Variants in CACUL1 observed in about 807,000 individuals in gnomAD.
CACUL1 encodes the protein CDK2 associated cullin domain 1, also known as CDK2-associated and cullin domain-containing protein 1.
Under a neutral mutation model 45.2 loss-of-function variants are expected in CACUL1, and 13 were observed. The observed-to-expected ratio is 0.29, with a 90% CI of 0.19 to 0.46. CACUL1 has a LOEUF of 0.46. Among genes scored for constraint, CACUL1 ranks in the 20% least tolerant of loss-of-function variants. CACUL1 has a pLI of 1.00. For synonymous variants in CACUL1, 197 were observed against 174.2 expected, an observed-to-expected ratio of 1.13 and a Z score of -1.03; for missense variants, 421 against 471.4, an observed-to-expected ratio of 0.89 and a Z score of 0.99.
intron 1 of CACUL1, among the ~76,000 whole-genome samples, chr10:118,745,130 T>C (rs1313337746): frequency 6.6e-6 from 1 of 152,206 alleles, no homozygotes; most frequent in African/African-American, 2.4e-5. Flanking sequence ...AGTAGTCTAA[T>C]ACTATTTGAA....
intron 2 of CACUL1, 59 bp from the exon 3 acceptor site, chr10:118,729,456 C>A: frequency 8.1e-7 from 1 of 1,235,050 alleles, no homozygotes; most frequent in Non-Finnish European, 1.2e-6. Flanking sequence ...TTAACTCAGT[C>A]CAAGGTTAAA....
chr10:118,703,991 T>C (rs1845409018), intron 4 of CACUL1, among the ~76,000 whole-genome samples: 2 of 152,208 alleles, frequency 1.3e-5, no homozygotes, highest in Non-Finnish European at 2.9e-5. Context: ...TTTTAGCTTA[T>C]GATATTTTAC....
In CACUL1 at chr10:118,738,892, T is replaced by TAAAAAAA. The variant is rs150393133; in HGVS notation, c.368-8489_368-8483dup. Among the ~76,000 whole-genome samples, 13 of 62,252 alleles carry TAAAAAAA rather than the reference T, an allele frequency of 2.1e-4. 1 individual carries two copies. Among genetic ancestry groups the TAAAAAAA allele is most frequent in the East Asian group, 5.1e-4 (1 of 1,960 alleles). 40.8% of individuals were successfully genotyped at this position (62,252 alleles called of 152,430 possible). On this transcript the variant is annotated intron_variant, in intron 1 of 8. Coordinates refer to ENST00000369151, the MANE Select transcript of CACUL1 (RefSeq NM_153810.5). ...AAAAAAGAAGTAATCCAAGTGCTCTTAAAAAAAAAAAAAAAAAAAAAAAGC... is the reference window on the plus strand; with the variant it reads ...AAAAAAGAAGTAATCCAAGTGCTCTTAAAAAAAAAAAAAAAAAAAAAAAAAAAAAAGC...
At chr10:118,754,233 G>T (rs1003153570) in intron 1 of CACUL1, among the ~76,000 whole-genome samples, 163 bp downstream of exon 1, 1 of 152,166 alleles carries the variant, frequency 6.6e-6, no homozygotes, top group Non-Finnish European at 1.5e-5. Flanking sequence ...TGAGGGGGAG[G>T]GGACGGTGAG....
At chr10:118,701,934 G>C (rs920439801) in intron 4 of CACUL1, among the ~76,000 whole-genome samples, 1 of 152,100 alleles carries the variant, frequency 6.6e-6, no homozygotes, top group South Asian at 2.1e-4. Flanking sequence ...GTGGTGTGAG[G>C]GAAAAATCTC....
intron 1 of CACUL1, among the ~76,000 whole-genome samples, chr10:118,733,095 G>C (rs1845711804): frequency 6.6e-6 from 1 of 152,162 alleles, no homozygotes; most frequent in Non-Finnish European, 1.5e-5. Flanking sequence ...CCAGCTGGGA[G>C]CACTCCTACT....
chr10:118,733,831 G>GT (rs1358840080), intron 1 of CACUL1, among the ~76,000 whole-genome samples: 1 of 143,014 alleles, frequency 7.0e-6, no homozygotes, highest in Non-Finnish European at 1.5e-5. Flanking sequence ...GGGAAACATG[G>GT]TAAGACCTTA....
rs1845142915 is a variant in CACUL1 at position 118,680,546 on chromosome 10, G to T, written c.*5582C>A. The stretch of plus-strand genomic sequence containing the variant: ...AAGTAAGGTTACAAATAACCTAGGG[G>T]ATGACACTAATTTCATAGCAAGAAA... On this transcript the variant is annotated 3_prime_UTR_variant, in exon 9 of 9. Coordinates refer to ENST00000369151, the MANE Select transcript of CACUL1 (RefSeq NM_153810.5). 2 of 152,068 alleles carry T rather than the reference G, an allele frequency of 1.3e-5. No individual in the cohort carries two copies. Among genetic ancestry groups the T allele is most frequent in the East Asian group, 1.9e-4 (1 of 5,186 alleles). 9.4% of individuals were successfully genotyped at this position (152,068 alleles called of 1,614,324 possible).
At chr10:118,733,877 C>T (rs768572491) in intron 1 of CACUL1, among the ~76,000 whole-genome samples, 2 of 151,958 alleles carry the variant, frequency 1.3e-5, no homozygotes, top group African/African-American at 2.4e-5. Flanking sequence ...ATTAGCCGAG[C>T]GTGGTGATGC....
intron 1 of CACUL1, among the ~76,000 whole-genome samples, chr10:118,752,486 C>G (rs146355126): frequency 1.1e-4 from 17 of 152,260 alleles, no homozygotes; most frequent in African/African-American, 4.1e-4. Flanking sequence ...ATCTCTAGGA[C>G]TAACTCTATG....
chr10:118,706,612 A>G (rs941061090), intron 4 of CACUL1, among the ~76,000 whole-genome samples: 4 of 152,180 alleles, frequency 2.6e-5, no homozygotes, highest in Admixed American at 2.0e-4. Context: ...TGGCACTTAA[A>G]CCAAAAGAAA....
chr10:118,683,692 C>A lies in CACUL1; in HGVS notation c.*2436G>T, dbSNP rs1295537289. The A allele has an allele frequency of 2.0e-5, 3 of 151,940 alleles. No individual in the cohort carries two copies. Among genetic ancestry groups the A allele is most frequent in the Non-Finnish European group, 4.4e-5 (3 of 68,004 alleles). 9.4% of individuals were successfully genotyped at this position (151,940 alleles called of 1,614,324 possible). On this transcript the variant is annotated 3_prime_UTR_variant, in exon 9 of 9. Coordinates refer to ENST00000369151, the MANE Select transcript of CACUL1 (RefSeq NM_153810.5). Reference sequence around the variant, plus strand: ...CCTGGGTGAGAGAGTGAGACTCCATCTCAAAAACAAAATATAAGAAAACAG... The same window carrying A: ...CCTGGGTGAGAGAGTGAGACTCCATATCAAAAACAAAATATAAGAAAACAG...
At chr10:118,713,059 A>T (rs1487650451) in intron 3 of CACUL1, among the ~76,000 whole-genome samples, 1 of 152,246 alleles carries the variant, frequency 6.6e-6, no homozygotes, top group Non-Finnish European at 1.5e-5. Flanking sequence ...CCTGCAGGCC[A>T]GCGCCAAGCT....
chr10:118,731,055 A>G (rs1293265369), intron 1 of CACUL1, among the ~76,000 whole-genome samples: 4 of 152,212 alleles, frequency 2.6e-5, no homozygotes, highest in Admixed American at 6.5e-5. Context: ...GGCTTACTTC[A>G]TTCCTACAGA....
chr10:118,707,704 A>C (rs966177254), intron 3 of CACUL1, 117 bp from the exon 4 acceptor site: 3 of 442,566 alleles, frequency 6.8e-6, no homozygotes, highest in Admixed American at 4.1e-5. Flanking sequence ...CAATTAACAA[A>C]AAAAAAAAAA....
In CACUL1 at chr10:118,678,486, G is replaced by A. The variant is rs554362191; in HGVS notation, c.*7642C>T. ...CCTTTGCTCTTCCATTTATATCGAC[G>A]AATCAAATTGTCAGGTTCCACAGTG... is the stretch of plus-strand genomic sequence containing the variant. On this transcript the variant is annotated 3_prime_UTR_variant, in exon 9 of 9. Transcript: ENST00000369151. 1.3e-5 allele frequency: 2 copies of A among 152,072 alleles called. No homozygotes were observed. The highest frequency in any genetic ancestry group is 2.9e-5 in the Non-Finnish European group (2 of 68,008). The allele number at this position is 152,072 out of a possible 1,614,324, so 9.4% of individuals were successfully genotyped here.
intron 3 of CACUL1, among the ~76,000 whole-genome samples, chr10:118,711,391 T>C (rs1023829453): frequency 5.9e-5 from 9 of 152,258 alleles, no homozygotes; most frequent in Non-Finnish European, 1.2e-4. Flanking sequence ...AATAACATTT[T>C]TAAAAGCATT....
intron 7 of CACUL1, among the ~76,000 whole-genome samples, chr10:118,688,107 T>G (rs1845226378): frequency 6.6e-6 from 1 of 152,242 alleles, no homozygotes; most frequent in African/African-American, 2.4e-5. Flanking sequence ...CAGAAACCTC[T>G]TGCTAAGCTA....
chr10:118,699,003 T>C (rs530680591), intron 5 of CACUL1, among the ~76,000 whole-genome samples: 1 of 152,230 alleles, frequency 6.6e-6, no homozygotes, highest in Non-Finnish European at 1.5e-5. Context: ...GTTTAAACTT[T>C]AACCTCTCTT....
Sources: allele counts gnomAD v4.1 joint callset (sites outside exome capture counted in the v4.1 genomes callset), GRCh38; gene constraint gnomAD v4.1.1; transcripts MANE v1.5; gene names NCBI Gene and HGNC (gene_info 2026-07-23, HGNC 2026-07-21).